XKR4: variants seen among roughly 807,000 people sequenced by gnomAD.
XKR4 encodes the protein XK related 4, also known as XK-related protein 4.
A neutral mutation model predicts 53.9 loss-of-function variants in XKR4; 12 were observed. That is an observed-to-expected ratio of 0.22 (90% CI 0.14 to 0.36). The LOEUF (loss-of-function observed/expected upper bound fraction) is 0.36. XKR4 is among the 10% of genes least tolerant of loss of function. XKR4 has a pLI of 1.00. For missense variants in XKR4, 799 were observed against 859.5 expected (o/e 0.93, Z 0.88); for synonymous variants, 354 against 362.4 (o/e 0.98, Z 0.26).
At chr8:55,293,587 C>T (rs1819061814) in intron 1 of XKR4, among the ~76,000 whole-genome samples, 1 of 151,882 alleles carries the variant, frequency 6.6e-6, no homozygotes, top group Admixed American at 6.6e-5. Context: ...AAAATAAATG[C>T]TTTTTATGAT....
At chr8:55,210,899 G>GTTCT (rs1409186082) in intron 1 of XKR4, among the ~76,000 whole-genome samples, 1 of 152,172 alleles carries the variant, frequency 6.6e-6, no homozygotes, top group African/African-American at 2.4e-5. Flanking sequence ...GCACACATAG[G>GTTCT]TTCTTAGCTT....
chr8:55,217,771 T>C (rs1817826489), intron 1 of XKR4, among the ~76,000 whole-genome samples: 1 of 150,224 alleles, frequency 6.7e-6, no homozygotes, highest in Non-Finnish European at 1.5e-5. Context: ...GATAGATAGA[T>C]AGATAGATAG....
At chr8:55,391,820 A>C (rs2015047) in intron 2 of XKR4, among the ~76,000 whole-genome samples, 79,846 of 152,028 alleles carry the variant, frequency 0.53, 21,624 homozygotes, top group Middle Eastern at 0.6. Context: ...ACTTGTTTCA[A>C]ATGTTTTAAA....
At chr8:55,475,584 T>A (rs1356278671) in intron 2 of XKR4, among the ~76,000 whole-genome samples, 2 of 97,232 alleles carry the variant, frequency 2.1e-5, no homozygotes, top group Admixed American at 2.0e-4. Flanking sequence ...GCTCACTTAT[T>A]TATTTATTTA....
intron 2 of XKR4, among the ~76,000 whole-genome samples, chr8:55,468,333 G>A (rs1436993539): frequency 6.6e-6 from 1 of 152,112 alleles, no homozygotes; most frequent in Non-Finnish European, 1.5e-5. Context: ...GTCTTGGACT[G>A]TCAGTTTACA....
intron 2 of XKR4, chr8:55,451,782 A>C: frequency 9.6e-7 from 1 of 1,040,542 alleles, no homozygotes; most frequent in Non-Finnish European, 1.5e-6. Flanking sequence ...GGCCCAGGCC[A>C]AGGCACTGAT....
intron 1 of XKR4, among the ~76,000 whole-genome samples, chr8:55,200,257 G>A (rs1302726293): frequency 6.6e-6 from 1 of 151,754 alleles, no homozygotes; most frequent in African/African-American, 2.4e-5. Context: ...TAGTAGAGAC[G>A]GGGTTTCACC....
At chr8:55,414,092 G>T (rs1056608216) in intron 2 of XKR4, among the ~76,000 whole-genome samples, 2 of 152,052 alleles carry the variant, frequency 1.3e-5, no homozygotes, top group East Asian at 1.9e-4. Context: ...TTTATTCAAG[G>T]TTTAACTGTG....
chr8:55,284,721 C>T (rs193111277), intron 1 of XKR4, among the ~76,000 whole-genome samples: 1 of 152,268 alleles, frequency 6.6e-6, no homozygotes, highest in East Asian at 1.9e-4. Flanking sequence ...CCTGTCCCTC[C>T]CACCACATTC....
rs944516918 is a variant in XKR4 at position 55,451,616 on chromosome 8, G to C, written c.1007-71665G>C. On this transcript the variant is annotated intron_variant, in intron 2 of 2. Transcript: ENST00000327381. Reference sequence around the variant, plus strand: ...CAGCAGACAACGGTGAAGCGGTTCTGGCGGTAGCAGTAGGACACGCGCTGC... The same window carrying C: ...CAGCAGACAACGGTGAAGCGGTTCTCGCGGTAGCAGTAGGACACGCGCTGC... The C allele has an allele frequency of 2.7e-6, 4 of 1,507,232 alleles. No homozygotes were observed. The East Asian group carries it at 9.2e-5, about 35-fold the overall frequency. The allele number at this position is 1,507,232 out of a possible 1,614,324, so 93.4% of individuals were successfully genotyped here.
chr8:55,285,628 G>A (rs998214847), intron 1 of XKR4, among the ~76,000 whole-genome samples: 14 of 152,176 alleles, frequency 9.2e-5, no homozygotes, highest in African/African-American at 1.2e-4. Flanking sequence ...AGAACTCCTC[G>A]AAGAGTTTTC....
chr8:55,197,612 C>T (rs192972813), intron 1 of XKR4, among the ~76,000 whole-genome samples: 77 of 150,998 alleles, frequency 5.1e-4, no homozygotes, highest in Non-Finnish European at 9.0e-4. Flanking sequence ...GGCACAATCT[C>T]GGCTCACTGC....
At chr8:55,521,633 A>G (rs1440939072) in intron 2 of XKR4, among the ~76,000 whole-genome samples, 1 of 152,178 alleles carries the variant, frequency 6.6e-6, no homozygotes, top group Non-Finnish European at 1.5e-5. Context: ...CTTTATTGGG[A>G]GGAAATATGA....
chr8:55,404,322 A>G (rs76601436), intron 2 of XKR4, among the ~76,000 whole-genome samples: 40 of 152,346 alleles, frequency 2.6e-4, no homozygotes, highest in African/African-American at 9.1e-4. Context: ...ACATAGAGTC[A>G]CTGAATTTTA....
chr8:55,255,720 A>T (rs544243303), intron 1 of XKR4, among the ~76,000 whole-genome samples: 1 of 152,188 alleles, frequency 6.6e-6, no homozygotes, highest in Non-Finnish European at 1.5e-5. Flanking sequence ...CAAATAGGAG[A>T]CAGTTAACCT....
intron 1 of XKR4, among the ~76,000 whole-genome samples, chr8:55,328,532 A>G (rs1803328547): frequency 6.6e-6 from 1 of 152,014 alleles, no homozygotes; most frequent in Non-Finnish European, 1.5e-5. Flanking sequence ...TTTCAACCTC[A>G]CTACCATGAC....
intron 2 of XKR4, among the ~76,000 whole-genome samples, chr8:55,387,723 G>A (rs1804344095): frequency 6.6e-6 from 1 of 152,198 alleles, no homozygotes; most frequent in Non-Finnish European, 1.5e-5. Flanking sequence ...TGGTGGGAGA[G>A]GGGAACCACA....
chr8:55,422,969 T>C (rs1176481965), intron 2 of XKR4, among the ~76,000 whole-genome samples: 1 of 152,198 alleles, frequency 6.6e-6, no homozygotes, highest in Non-Finnish European at 1.5e-5. Context: ...TGGCAGGTAA[T>C]AGGCTTATTT....
At chr8:55,335,817 T>C (rs916020376) in intron 1 of XKR4, among the ~76,000 whole-genome samples, 9 of 152,196 alleles carry the variant, frequency 5.9e-5, no homozygotes, top group African/African-American at 1.7e-4. Flanking sequence ...AAAAATCTAA[T>C]CTCAAAATGT....
Sources: allele counts gnomAD v4.1 joint callset (sites outside exome capture counted in the v4.1 genomes callset), GRCh38; gene constraint gnomAD v4.1.1; transcripts MANE v1.5; gene names NCBI Gene and HGNC (gene_info 2026-07-23, HGNC 2026-07-21).